Variants in FNDC3A observed in about 807,000 individuals in gnomAD.
The protein encoded by FNDC3A is fibronectin type III domain containing 3A, also known as fibronectin type-III domain-containing protein 3A.
FNDC3A carries 32 observed loss-of-function variants against 148.9 expected under a neutral mutation model. That is an observed-to-expected ratio of 0.21 (90% CI 0.16 to 0.29). FNDC3A has a LOEUF of 0.29. Ranked by LOEUF, FNDC3A falls within the 10% of genes least tolerant of loss-of-function variation. The pLI, the probability that FNDC3A is intolerant of heterozygous loss-of-function variation, is 1.00. For synonymous variants in FNDC3A, 472 were observed against 473.6 expected (o/e 1.00, Z 0.04); for missense variants, 1,191 against 1,452.8 (o/e 0.82, Z 2.93).
intron 14 of FNDC3A, among the ~76,000 whole-genome samples, chr13:49,180,939 A>G (rs938395983): frequency 6.6e-6 from 1 of 152,236 alleles, no homozygotes; most frequent in East Asian, 1.9e-4. Flanking sequence ...GCCACCAGGC[A>G]TGGTAGCTCA....
chr13:49,124,423 T>C (rs1047619625), intron 4 of FNDC3A, among the ~76,000 whole-genome samples: 2 of 151,530 alleles, frequency 1.3e-5, no homozygotes, highest in African/African-American at 4.9e-5. Context: ...CAAACCACCA[T>C]GGCACGTGTA....
chr13:49,102,366 T>G (rs1157822661), intron 3 of FNDC3A, among the ~76,000 whole-genome samples: 4 of 152,194 alleles, frequency 2.6e-5, no homozygotes, highest in African/African-American at 9.7e-5. Flanking sequence ...TTCTTCACAA[T>G]AGTTTCAGTG....
intron 3 of FNDC3A, among the ~76,000 whole-genome samples, chr13:49,080,111 A>G (rs955148861): frequency 1.3e-5 from 2 of 152,200 alleles, no homozygotes; most frequent in African/African-American, 4.8e-5. Flanking sequence ...ATTTGTTTCA[A>G]AAAATACAGT....
chr13:49,158,076 T>G (rs1397478640), intron 8 of FNDC3A, among the ~76,000 whole-genome samples: 1 of 152,188 alleles, frequency 6.6e-6, no homozygotes, highest in Non-Finnish European at 1.5e-5. Flanking sequence ...GCTGCTTTGT[T>G]TACCTAAGCA....
intron 2 of FNDC3A, among the ~76,000 whole-genome samples, chr13:49,035,784 C>T (rs1024717673): frequency 1.3e-5 from 2 of 151,958 alleles, no homozygotes; most frequent in South Asian, 2.1e-4. Context: ...ATGAATTAAA[C>T]GAGCAATTGG....
chr13:49,126,563 A>G (rs1033478788), intron 4 of FNDC3A, among the ~76,000 whole-genome samples: 2 of 152,216 alleles, frequency 1.3e-5, no homozygotes, highest in African/African-American at 4.8e-5. Flanking sequence ...TCAAATAAAT[A>G]TCTTGTCGTA....
intron 9 of FNDC3A, among the ~76,000 whole-genome samples, chr13:49,167,541 C>T (rs1203327176): frequency 6.6e-6 from 1 of 151,932 alleles, no homozygotes; most frequent in African/African-American, 2.4e-5. Flanking sequence ...CCTATCTCGA[C>T]AAAGAAATCC....
At chr13:49,049,880 C>A (rs1010712575) in intron 2 of FNDC3A, among the ~76,000 whole-genome samples, 4 of 151,850 alleles carry the variant, frequency 2.6e-5, no homozygotes, top group African/African-American at 7.3e-5. Context: ...CCACTATGCC[C>A]GGCTAATTTT....
chr13:49,198,396 G>A lies in FNDC3A; in HGVS notation c.2809G>A (p.Gly937Ser). 2.5e-6 allele frequency: 4 copies of A among 1,614,110 alleles called. No individual in the cohort carries two copies. Among genetic ancestry groups the A allele is most frequent in the Non-Finnish European group, 3.4e-6 (4 of 1,180,010 alleles). The change falls in exon 23 of 26, where the codon GGT becomes AGT. Residue 937 changes from glycine (G) to serine (S), a missense_variant. Around this residue, in one of 3 missense-constraint regions of FNDC3A, gnomAD observed 751 missense variants for 944.0 expected, o/e 0.80. Transcript: ENST00000492622. ...RIQALNSLGA[G>S]PFSHMIKLKT... ...TCAAGCCTTGAATAGCCTTGGAGCT[G>A]GTCCTTTCAGCCATATGATAAAATT...
At chr13:49,009,735 A>T (rs771175508) in intron 2 of FNDC3A, among the ~76,000 whole-genome samples, 7 of 152,236 alleles carry the variant, frequency 4.6e-5, no homozygotes, top group Non-Finnish European at 1.0e-4. Context: ...CATCTAAAGA[A>T]GATTTCAGAT....
chr13:49,114,806 AT>A, intron 4 of FNDC3A, 75 bp downstream of exon 4: 2 of 1,070,786 alleles, frequency 1.9e-6, no homozygotes, highest in East Asian at 2.4e-5. Flanking sequence ...TTTGATTTTG[AT>A]TTAAAAAAAC....
chr13:48,999,403 T>C (rs1288466881), intron 1 of FNDC3A, among the ~76,000 whole-genome samples: 8 of 152,214 alleles, frequency 5.3e-5, no homozygotes. Context: ...GATTGTCTTT[T>C]GCAAATACAT....
intron 8 of FNDC3A, among the ~76,000 whole-genome samples, chr13:49,164,253 C>T (rs1041828892): frequency 2.0e-5 from 3 of 152,164 alleles, no homozygotes; most frequent in Admixed American, 6.5e-5. Context: ...TGAGAAATCC[C>T]GTTAGTCTGA....
intron 13 of FNDC3A, 149 bp downstream of exon 13, chr13:49,175,690 G>A (rs1371014097): frequency 1.4e-5 from 8 of 564,052 alleles, no homozygotes; most frequent in Middle Eastern, 4.7e-4. Context: ...ATTTGAATAC[G>A]CTTTATTTCT....
At chr13:49,192,214 T>G (rs766415367) in intron 19 of FNDC3A, among the ~76,000 whole-genome samples, 3 of 152,218 alleles carry the variant, frequency 2.0e-5, no homozygotes, top group Non-Finnish European at 2.9e-5. Context: ...CTACCCATTA[T>G]TTTGGTGAAC....
chr13:49,193,930 C>T (rs1455022967), intron 19 of FNDC3A, among the ~76,000 whole-genome samples: 1 of 150,506 alleles, frequency 6.6e-6, no homozygotes, highest in Non-Finnish European at 1.5e-5. Flanking sequence ...AAAAAAAAAG[C>T]AATTAAAAAC....
intron 2 of FNDC3A, among the ~76,000 whole-genome samples, chr13:49,055,239 G>C (rs907326406): frequency 6.6e-6 from 1 of 151,998 alleles, no homozygotes; most frequent in African/African-American, 2.4e-5. Context: ...GAGTAGCTGG[G>C]AATACAAGCA....
chr13:49,123,899 A>G (rs1237480221), intron 4 of FNDC3A, among the ~76,000 whole-genome samples: 2 of 152,212 alleles, frequency 1.3e-5, no homozygotes, highest in Non-Finnish European at 2.9e-5. Flanking sequence ...TGTTGGTGGT[A>G]GTGTAAATTA....
At chr13:49,199,610 G>A (rs1886332462) in intron 23 of FNDC3A, among the ~76,000 whole-genome samples, 2 of 152,150 alleles carry the variant, frequency 1.3e-5, no homozygotes, top group African/African-American at 4.8e-5. Flanking sequence ...ACAGGCGTGA[G>A]CCACTGCACC....
Sources: allele counts gnomAD v4.1 joint callset (sites outside exome capture counted in the v4.1 genomes callset), GRCh38; gene constraint gnomAD v4.1.1; regional missense constraint gnomAD v4.1.1; transcripts MANE v1.5; gene names NCBI Gene and HGNC (gene_info 2026-07-23, HGNC 2026-07-21).